Variants in MPST observed in about 807,000 individuals in gnomAD.
MPST encodes 3-mercaptopyruvate sulfurtransferase.
MPST carries 27 observed loss-of-function variants against 28.5 expected under a neutral mutation model. The observed-to-expected ratio is 0.95, with a 90% CI of 0.70 to 1.31. The LOEUF (loss-of-function observed/expected upper bound fraction) is 1.31. MPST is among the 50% of genes most tolerant of loss of function. MPST has a pLI of 0.00. For synonymous variants in MPST, 204 were observed against 209.3 expected (o/e 0.97, Z 0.22); for missense variants, 492 against 471.1 (o/e 1.04, Z -0.41).
At chr22:37,026,768 A>C (rs1166229315) in intron 2 of MPST, 1 of 152,216 alleles carries the variant, frequency 6.6e-6, no homozygotes, top group African/African-American at 2.4e-5. Context: ...CTCTCCACAG[A>C]CTCGGGAGTG....
intron 2 of MPST, chr22:37,025,616 A>C (rs1158842654): frequency 6.4e-6 from 1 of 156,208 alleles, no homozygotes; most frequent in Non-Finnish European, 1.4e-5. Context: ...TCTTTCAAAC[A>C]TCCCGTGTAA....
rs768650584 is a variant in MPST at position 37,024,766 on chromosome 22, G to A, written c.611G>A (p.Arg204Gln). The stretch of plus-strand genomic sequence containing the variant: ...CGGCGCTTCCAGGTGGTGGACTCCC[G>A]AGCCACTGGCAGGTTCCGCGGCACC... ...ESRRFQVVDS[R>Q]ATGRFRGTEP... Residue 204 changes from arginine (R) to glutamine (Q), a missense_variant, in exon 2 of 3, where the codon CGA becomes CAA. Arg to Gln is a conservative substitution (Grantham distance 43). Transcript: ENST00000429360. 2 of 1,602,590 alleles carry A rather than the reference G, an allele frequency of 1.2e-6. No homozygotes were observed. Among genetic ancestry groups the A allele is most frequent in the Non-Finnish European group, 1.7e-6 (2 of 1,179,712 alleles).
intron 1 of MPST, chr22:37,023,934 G>A: frequency 6.6e-7 from 1 of 1,524,122 alleles, no homozygotes; most frequent in South Asian, 1.2e-5. Context: ...GGAGGTGAGG[G>A]GCGTGGCCTG....
Position 37,024,311 on chromosome 22 carries a change from G to T in MPST, c.156G>T (p.Leu52=). The T allele has an allele frequency of 6.5e-7, 1 of 1,532,086 alleles. No individual in the cohort carries two copies. Among genetic ancestry groups the T allele is most frequent in the Non-Finnish European group, 8.8e-7 (1 of 1,142,660 alleles). The allele number at this position is 1,532,086 out of a possible 1,614,324, so 94.9% of individuals were successfully genotyped here. Residue 52 remains leucine, a synonymous_variant, in exon 2 of 3, where the codon CTG becomes CTT. Coordinates refer to ENST00000429360, the MANE Select transcript of MPST (RefSeq NM_021126.8). ...GCGCTGGGCAGCCTCTGCAGCTGCT[G>T]GACGCCTCCTGGTACCTGCCGAAGC... The part of the protein sequence containing the change: ...APRAGQPLQL[L]DASWYLPKLG...
chr22:37,019,813 A>AG lies in MPST; in HGVS notation c.-19dup. ...GGAGGGGACAGCTGCGGGCGCGGGGAGGGGGCGCCGCGCCGCGGGGGCCAT... is the reference window on the plus strand; with the variant it reads ...GGAGGGGACAGCTGCGGGCGCGGGGAGGGGGGCGCCGCGCCGCGGGGGCCAT... On this transcript the variant is annotated 5_prime_UTR_variant, in exon 1 of 3. Transcript: ENST00000429360. 1 of 1,146,430 alleles carries AG rather than the reference A, an allele frequency of 8.7e-7. No individual in the cohort carries two copies. The highest frequency in any genetic ancestry group is 1.1e-6 in the Non-Finnish European group (1 of 911,662). The allele number at this position is 1,146,430 out of a possible 1,614,324, so 71.0% of individuals were successfully genotyped here. A position where few individuals can be genotyped will look rare whatever the true frequency, so the allele number is the denominator to read the frequency against.
rs772114245 is a variant in MPST, at chr22:37,029,162, T to C, written c.656-54T>C. On this transcript the variant is annotated intron_variant, in intron 2 of 2. Coordinates refer to ENST00000429360, the MANE Select transcript of MPST (RefSeq NM_021126.8). ...TATCTCGAGCACCACAAATACGAGGTACCATTCATAGCATCCTTCTATTTG... is the reference window on the plus strand; with the variant it reads ...TATCTCGAGCACCACAAATACGAGGCACCATTCATAGCATCCTTCTATTTG... 2.6e-6 allele frequency: 4 copies of C among 1,527,662 alleles called. No individual in the cohort carries two copies. The East Asian group carries it at 9.2e-5, about 35-fold the overall frequency. The allele number at this position is 1,527,662 out of a possible 1,614,324, so 94.6% of individuals were successfully genotyped here.
At chr22:37,025,455 G>A (rs1313021424) in intron 2 of MPST, 1 of 229,956 alleles carries the variant, frequency 4.3e-6, no homozygotes, top group Non-Finnish European at 8.7e-6. Flanking sequence ...GGAGAACTGA[G>A]GGTGGAAGGG....
At position 37,024,610 on chromosome 22, in the gene MPST, T is replaced by A; in HGVS notation, c.455T>A (p.Leu152His). ...GCCGTGTCACTGCTTGATGGCGGCC[T>A]CCGCCACTGGCTGCGCCAGAACCTC... Reference protein sequence around the residue: ...HHAVSLLDGGLRHWLRQNLPL... With the variant: ...HHAVSLLDGGHRHWLRQNLPL... Residue 152 changes from leucine to histidine, a missense_variant, in exon 2 of 3, where the codon CTC becomes CAC. By Grantham distance (99) the Leu-to-His change is moderately conservative. Coordinates refer to ENST00000429360, the MANE Select transcript of MPST (RefSeq NM_021126.8). 1 of 1,596,364 alleles carries A rather than the reference T, an allele frequency of 6.3e-7. No individual in the cohort carries two copies. Among genetic ancestry groups the A allele is most frequent in the Non-Finnish European group, 8.5e-7 (1 of 1,178,496 alleles).
Position 37,021,817 on chromosome 22 carries a change from G to A in MPST, c.36+1945G>A, listed in dbSNP as rs963310452. ...TAAAACCAGCCAGATGTAATGCATG[G>A]TGGTTGCCCCTCTACATTTATTGTT... On this transcript the variant is annotated intron_variant, in intron 1 of 2. Coordinates refer to ENST00000429360, the MANE Select transcript of MPST (RefSeq NM_021126.8). Among the ~76,000 whole-genome samples the A allele has an allele frequency of 2.0e-5, 3 of 152,134 alleles. No homozygotes were observed. In the South Asian group the frequency reaches 6.2e-4, roughly 32 times the overall value.
At position 37,024,669 on chromosome 22, in the gene MPST, G is replaced by A. The variant is rs773761641; in HGVS notation, c.514G>A (p.Ala172Thr). 4 of 1,598,792 alleles carry A rather than the reference G, an allele frequency of 2.5e-6. No homozygotes were observed. The highest frequency in any genetic ancestry group is 1.3e-5 in the African/African-American group (1 of 74,894). ...CTCCGGCAAGAGCCAACCTGCTCCC[G>A]CCGAGTTCCGCGCTCAGCTCGACCC... ...LSSGKSQPAP[A>T]EFRAQLDPAF... is the part of the protein sequence containing the mutation. The change falls in exon 2 of 3, where the codon GCC becomes ACC. Residue 172 changes from alanine (A) to threonine (T), a missense_variant. Coordinates refer to ENST00000429360, the MANE Select transcript of MPST (RefSeq NM_021126.8).
chr22:37,026,380 C>T (rs1248917824), intron 2 of MPST: 1 of 152,178 alleles, frequency 6.6e-6, no homozygotes, highest in East Asian at 1.9e-4. Flanking sequence ...AAGTGTGCTG[C>T]ACACTTGTGC....
intron 1 of MPST, 127 bp downstream of exon 1, chr22:37,019,999 C>A: frequency 2.2e-6 from 1 of 464,994 alleles, no homozygotes; most frequent in Non-Finnish European, 3.5e-6. Context: ...AGAGAAGGCG[C>A]GCCGCTACGT....
chr22:37,025,531 C>G (rs958807143), intron 2 of MPST: 6 of 191,950 alleles, frequency 3.1e-5, no homozygotes, highest in Admixed American at 2.1e-4. Context: ...AGGCAAGAAG[C>G]CTGTGGGTAA....
chr22:37,021,040 G>C (rs1923031590), intron 1 of MPST, among the ~76,000 whole-genome samples: 2 of 152,110 alleles, frequency 1.3e-5, no homozygotes, highest in African/African-American at 4.8e-5. Context: ...GTTGGGGGAG[G>C]GGGTGGGCAG....
In MPST at chr22:37,024,519, G is replaced by A. The variant is rs753759438; in HGVS notation, c.364G>A (p.Ala122Thr). The stretch of plus-strand genomic sequence containing the variant: ...GGCCACCCACGTCGTGATCTACGAC[G>A]CCAGCGACCAGGGCCTCTACTCCGC... ...GAATHVVIYD[A>T]SDQGLYSAPR... The change falls in exon 2 of 3, where the codon GCC becomes ACC. Residue 122 changes from alanine to threonine, a missense_variant. Physicochemically the swap from Ala to Thr is moderately conservative, Grantham distance 58. Transcript: ENST00000429360. 6.4e-7 allele frequency: 1 copy of A among 1,566,012 alleles called. No individual in the cohort carries two copies. The highest frequency in any genetic ancestry group is 8.6e-7 in the Non-Finnish European group (1 of 1,160,776).
rs1301805375 is a variant in MPST at position 37,024,566 on chromosome 22, C to T, written c.411C>T (p.Phe137=). Residue 137 remains phenylalanine, a synonymous_variant, in exon 2 of 3, where the codon TTC becomes TTT. Coordinates refer to ENST00000429360, the MANE Select transcript of MPST (RefSeq NM_021126.8). ...LYSAPRVWWM[F]RAFGHHAVSL... is the part of the protein sequence containing the mutation. The stretch of plus-strand genomic sequence containing the variant: ...CCGCCCCGCGCGTCTGGTGGATGTT[C>T]CGCGCCTTCGGCCACCACGCCGTGT... The T allele has an allele frequency of 1.9e-6, 3 of 1,582,990 alleles. No homozygotes were observed. The highest frequency in any genetic ancestry group is 1.7e-5 in the Admixed American group (1 of 57,932).
In MPST at chr22:37,024,318, T is replaced by C; in HGVS notation, c.163T>C (p.Ser55Pro). The C allele has an allele frequency of 6.5e-7, 1 of 1,534,826 alleles. No individual in the cohort carries two copies. The highest frequency in any genetic ancestry group is 1.7e-4 in the Middle Eastern group (1 of 5,922). Residue 55 changes from serine to proline, a missense_variant, in exon 2 of 3, where the codon TCC (serine) becomes CCC (proline). By Grantham distance (74) the Ser-to-Pro change is moderately conservative (BLOSUM62 -1). Coordinates refer to ENST00000429360, the MANE Select transcript of MPST (RefSeq NM_021126.8). ...AGQPLQLLDA[S>P]WYLPKLGRDA... Reference sequence around the variant, plus strand: ...GCAGCCTCTGCAGCTGCTGGACGCCTCCTGGTACCTGCCGAAGCTGGGGCG... The same window carrying C: ...GCAGCCTCTGCAGCTGCTGGACGCCCCCTGGTACCTGCCGAAGCTGGGGCG...
chr22:37,029,666 C>A lies in MPST; in HGVS notation c.*152C>A. ...TCTCAAAGGCCAGGAATTCCGTTGA[C>A]TTGTTGGCTGCCAGTAGGGGCGGGA... On this transcript the variant is annotated 3_prime_UTR_variant, in exon 3 of 3. Coordinates refer to ENST00000429360, the MANE Select transcript of MPST (RefSeq NM_021126.8). The A allele has an allele frequency of 1.2e-6, 1 of 819,532 alleles. No homozygotes were observed. Among genetic ancestry groups the A allele is most frequent in the Non-Finnish European group, 1.9e-6 (1 of 534,280 alleles). 50.8% of individuals were successfully genotyped at this position (819,532 alleles called of 1,614,324 possible).
At chr22:37,020,934 C>T (rs1244265086) in intron 1 of MPST, among the ~76,000 whole-genome samples, 2 of 152,012 alleles carry the variant, frequency 1.3e-5, no homozygotes, top group Non-Finnish European at 2.9e-5. Flanking sequence ...GCTGAGATTA[C>T]AGGCATGAGC....
Sources: allele counts gnomAD v4.1 joint callset (sites outside exome capture counted in the v4.1 genomes callset), GRCh38; gene constraint gnomAD v4.1.1; transcripts MANE v1.5; gene names NCBI Gene and HGNC (gene_info 2026-07-23, HGNC 2026-07-21).